Variants in GSE1 observed in about 807,000 individuals in gnomAD.
GSE1 encodes Gse1 coiled-coil protein.
In GSE1, 32 loss-of-function variants were observed where a neutral mutation model predicts 112.6. That is an observed-to-expected ratio of 0.28 (90% CI 0.21 to 0.38). The LOEUF is 0.38. Ranked by LOEUF, GSE1 falls within the 10% of genes least tolerant of loss-of-function variation. GSE1 has a pLI of 1.00. For synonymous variants in GSE1, 1,115 were observed against 735.6 expected (o/e 1.52, Z -8.35); for missense variants, 2,348 against 1,699.2 (o/e 1.38, Z -6.71).
In GSE1 at chr16:85,561,989, C is replaced by T. The variant is rs12598668; in HGVS notation, c.37+5626C>T. Among the ~76,000 whole-genome samples, 134 of 152,302 alleles carry T rather than the reference C, an allele frequency of 8.8e-4. 2 individuals are homozygous for T. In the East Asian group the frequency reaches 0.018, roughly 21 times the overall value. ...GGAGCCGAGGCGGGGACGGGGCACC[C>T]GCAGGGACCAAGGTCTTGCATAGCC... On this transcript the variant is annotated intron_variant, in intron 1 of 2. Transcript: ENST00000635906.
chr16:85,390,478 A>C (rs1165578681), intron 2 of GSE1, among the ~76,000 whole-genome samples: 1 of 152,150 alleles, frequency 6.6e-6, no homozygotes, highest in African/African-American at 2.4e-5. Context: ...GTGTCCCTCC[A>C]TATAACAATA....
intron 2 of GSE1, among the ~76,000 whole-genome samples, chr16:85,641,007 G>A (rs2050400373): frequency 6.6e-6 from 1 of 152,218 alleles, no homozygotes; most frequent in South Asian, 2.1e-4. Context: ...TAGCACAGTG[G>A]GGAGCCCTGG....
At chr16:85,546,554 G>A (rs890380516) in intron 2 of GSE1, among the ~76,000 whole-genome samples, 10 of 152,244 alleles carry the variant, frequency 6.6e-5, no homozygotes, top group African/African-American at 2.4e-4. Flanking sequence ...GCATCATTTG[G>A]GGAGTTGATG....
intron 1 of GSE1, among the ~76,000 whole-genome samples, chr16:85,604,245 T>A (rs1346640962): frequency 6.6e-6 from 1 of 152,262 alleles, no homozygotes. Context: ...TCCGGGCATT[T>A]CATACAAATG....
intron 1 of GSE1, among the ~76,000 whole-genome samples, chr16:85,203,223 T>A (rs546420974): frequency 5.3e-5 from 8 of 152,156 alleles, no homozygotes; most frequent in African/African-American, 1.9e-4. Flanking sequence ...TCAGCATGCG[T>A]TTGCGATGGC....
chr16:85,216,088 C>T (rs1206612583), intron 1 of GSE1, among the ~76,000 whole-genome samples: 2 of 152,252 alleles, frequency 1.3e-5, no homozygotes, highest in Non-Finnish European at 2.9e-5. Context: ...TCTGCCTGCT[C>T]CCAGGACTGA....
chr16:85,555,609 C>T, upstream of GSE1: 11 of 965,736 alleles, frequency 1.1e-5, no homozygotes, highest in South Asian at 4.8e-4. Context: ...CCTCCTCACC[C>T]AGTAGCTAAG....
intron 2 of GSE1, among the ~76,000 whole-genome samples, chr16:85,550,177 G>T (rs1360020748): frequency 2.0e-5 from 3 of 152,144 alleles, no homozygotes; most frequent in African/African-American, 7.2e-5. Flanking sequence ...GCACACAGAG[G>T]GTGGGGGCGA....
At chr16:85,365,383 C>T (rs974414758) in intron 2 of GSE1, among the ~76,000 whole-genome samples, 2 of 152,242 alleles carry the variant, frequency 1.3e-5, no homozygotes, top group Non-Finnish European at 2.9e-5. Flanking sequence ...CCGCCTCCAC[C>T]TTCACTCTTC....
intron 1 of GSE1, among the ~76,000 whole-genome samples, chr16:85,208,468 C>A (rs186239038): frequency 6.6e-6 from 1 of 152,198 alleles, no homozygotes; most frequent in African/African-American, 2.4e-5. Flanking sequence ...CTTTGCCTGA[C>A]GCTGGCCTCC....
upstream of GSE1, among the ~76,000 whole-genome samples, chr16:85,608,469 C>T (rs1317605163): frequency 6.6e-6 from 1 of 151,340 alleles, no homozygotes; most frequent in African/African-American, 2.4e-5. Context: ...AAATGGTTTT[C>T]AGGCACTGGA....
upstream of GSE1, among the ~76,000 whole-genome samples, chr16:85,552,026 T>C (rs1274968103): frequency 6.6e-6 from 1 of 151,558 alleles, no homozygotes; most frequent in Non-Finnish European, 1.5e-5. Flanking sequence ...TTTCTTTCTT[T>C]CTTTTTTTTT....
intron 1 of GSE1, among the ~76,000 whole-genome samples, chr16:85,587,402 G>C (rs2046757612): frequency 6.6e-6 from 1 of 152,208 alleles, no homozygotes; most frequent in South Asian, 2.1e-4. Flanking sequence ...CGTACCATCT[G>C]CATGTTCATA....
At chr16:85,566,825 AG>A (rs1227171252) in intron 1 of GSE1, among the ~76,000 whole-genome samples, 1 of 152,220 alleles carries the variant, frequency 6.6e-6, no homozygotes, top group East Asian at 1.9e-4. Context: ...GGGGGCCGGC[AG>A]GGAACATAAA....
At chr16:85,568,720 G>T (rs1050292287) in intron 1 of GSE1, among the ~76,000 whole-genome samples, 5 of 152,198 alleles carry the variant, frequency 3.3e-5, no homozygotes, top group Non-Finnish European at 2.9e-5. Flanking sequence ...CAGAGGTGGG[G>T]CTGGTAACTC....
chr16:85,560,496 G>A (rs1250670104), intron 1 of GSE1, among the ~76,000 whole-genome samples: 2 of 152,114 alleles, frequency 1.3e-5, no homozygotes, highest in Non-Finnish European at 2.9e-5. Context: ...TGGTTGTAGC[G>A]TCTGCCTCTT....
chr16:85,629,136 GGCCTCCCCAGAA>G (rs1290461191), intron 1 of GSE1, among the ~76,000 whole-genome samples: 1 of 152,208 alleles, frequency 6.6e-6, no homozygotes, highest in Non-Finnish European at 1.5e-5. Context: ...AGCCTCCTGA[GGCCTCCCCAGAA>G]GCAGATGCCA....
intron 1 of GSE1, among the ~76,000 whole-genome samples, chr16:85,298,615 T>C (rs1379395647): frequency 6.6e-6 from 1 of 152,124 alleles, no homozygotes; most frequent in Non-Finnish European, 1.5e-5. Flanking sequence ...TGTTTAGAGA[T>C]GGGGTTTCAC....
At position 85,674,895 on chromosome 16, in the gene GSE1, C is replaced by G. The variant is rs781262115; in HGVS notation, c.*2356C>G. The G allele has an allele frequency of 1.3e-5, 2 of 152,650 alleles. No homozygotes were observed. Among genetic ancestry groups the G allele is most frequent in the African/African-American group, 4.8e-5 (2 of 41,420 alleles). The allele number at this position is 152,650 out of a possible 1,614,324, so 9.5% of individuals were successfully genotyped here. ...TCCCCATCCTTCCACCTACTTGTGG[C>G]GATCTGAGTACTCTACTCTTGCTCA... On this transcript the variant is annotated 3_prime_UTR_variant, in exon 16 of 16. Coordinates refer to ENST00000253458, the MANE Select transcript of GSE1 (RefSeq NM_014615.5).
Sources: allele counts gnomAD v4.1 joint callset (sites outside exome capture counted in the v4.1 genomes callset), GRCh38; gene constraint gnomAD v4.1.1; transcripts MANE v1.5; gene names NCBI Gene and HGNC (gene_info 2026-07-23, HGNC 2026-07-21).